The following JCAD variants were observed in gnomAD, a reference collection of about 807,000 sequenced individuals.
JCAD encodes the protein junctional cadherin 5 associated.
JCAD carries 40 observed loss-of-function variants against 98.0 expected under a neutral mutation model. The ratio of observed to expected loss-of-function variants is 0.41; its 90% CI spans 0.32 to 0.53. The LOEUF (loss-of-function observed/expected upper bound fraction) is 0.53, where lower values mean the gene tolerates loss of function less well. JCAD is among the 20% of genes least tolerant of loss of function. The pLI is 0.31. For missense variants in JCAD, 1,705 were observed against 1,738.1 expected, an observed-to-expected ratio of 0.98 and a Z score of 0.34; for synonymous variants, 691 against 682.3, an observed-to-expected ratio of 1.01 and a Z score of -0.20.
At chr10:30,087,760 G>A (rs946640148) in intron 1 of JCAD, among the ~76,000 whole-genome samples, 6 of 152,214 alleles carry the variant, frequency 3.9e-5, no homozygotes, top group Non-Finnish European at 8.8e-5. Flanking sequence ...GAAAAAGCAG[G>A]GCGGGGAAGT....
chr10:30,064,290 C>G (rs1484385149), upstream of JCAD, among the ~76,000 whole-genome samples: 2 of 152,246 alleles, frequency 1.3e-5, no homozygotes, highest in East Asian at 3.9e-4. Context: ...AGCCCCTCAC[C>G]ATGTGATGCC....
At chr10:30,096,947 G>A (rs1262723416) in intron 1 of JCAD, among the ~76,000 whole-genome samples, 1 of 152,198 alleles carries the variant, frequency 6.6e-6, no homozygotes, top group Admixed American at 6.5e-5. Context: ...AAAGGAATAA[G>A]TTACAGGATG....
At chr10:30,111,841 A>G (rs549547620) in intron 1 of JCAD, among the ~76,000 whole-genome samples, 5 of 152,172 alleles carry the variant, frequency 3.3e-5, no homozygotes, top group Admixed American at 6.5e-5. Context: ...AGAAATTGGA[A>G]CCTTCCTACA....
At chr10:30,098,016 G>A (rs558862077) in intron 1 of JCAD, among the ~76,000 whole-genome samples, 24 of 152,282 alleles carry the variant, frequency 1.6e-4, no homozygotes, top group African/African-American at 5.8e-4. Flanking sequence ...ATCAAAGGTG[G>A]TAAAATATGG....
At chr10:30,053,736 A>G (rs1223575251) in intron 1 of JCAD, among the ~76,000 whole-genome samples, 1 of 151,884 alleles carries the variant, frequency 6.6e-6, no homozygotes, top group Non-Finnish European at 1.5e-5. Context: ...GATAATAACA[A>G]AATTAGACTA....
intron 2 of JCAD, among the ~76,000 whole-genome samples, chr10:30,067,693 T>G (rs919107176): frequency 6.6e-6 from 1 of 152,218 alleles, no homozygotes; most frequent in African/African-American, 2.4e-5. Context: ...ACTTATGTCC[T>G]TCGATGTACA....
At chr10:30,057,627 G>A (rs1170589758) in intron 1 of JCAD, among the ~76,000 whole-genome samples, 1 of 152,238 alleles carries the variant, frequency 6.6e-6, no homozygotes, top group East Asian at 1.9e-4. Context: ...GGCCTGCCAA[G>A]GGCCTGACCT....
intron 1 of JCAD, among the ~76,000 whole-genome samples, chr10:30,086,828 G>A (rs1838175115): frequency 6.6e-6 from 1 of 152,216 alleles, no homozygotes; most frequent in South Asian, 2.1e-4. Context: ...AGAAGTCAGA[G>A]ATAGTTTTCT....
At chr10:30,025,882 T>C (rs1836780505) in intron 3 of JCAD, 3 of 584,324 alleles carry the variant, frequency 5.1e-6, no homozygotes, top group South Asian at 2.0e-5. Context: ...CAGAGTGAGA[T>C]ACTATCTCAA....
intron 2 of JCAD, among the ~76,000 whole-genome samples, chr10:30,034,224 A>G (rs1018774353): frequency 1.3e-5 from 2 of 149,666 alleles, no homozygotes; most frequent in East Asian, 2.0e-4. Context: ...CTCCATCTCA[A>G]TAATAATAAT....
At position 30,026,471 on chromosome 10, in the gene JCAD, A is replaced by G; in HGVS notation, c.3677T>C (p.Val1226Ala). The change falls in exon 3 of 4, where the codon GTG (valine) becomes GCG (alanine). Residue 1226 changes from valine to alanine, a missense_variant. Val to Ala is a moderately conservative substitution (Grantham distance 64). Transcript: ENST00000375377. ...LFHFVERTPS[V>A]AGSEKRLRSP... Reference sequence around the variant, plus strand: ...TCTAAGTCTCTTTTCAGAGCCTGCCACACTTGGGGTTCTTTCTACAAAATG... The same window carrying G: ...TCTAAGTCTCTTTTCAGAGCCTGCCGCACTTGGGGTTCTTTCTACAAAATG... The G allele has an allele frequency of 3.7e-6, 6 of 1,614,244 alleles. No homozygotes were observed. Among genetic ancestry groups the G allele is most frequent in the Non-Finnish European group, 5.1e-6 (6 of 1,180,046 alleles).
rs199773314 is a variant in JCAD at position 30,018,788 on chromosome 10, A to AT, written c.4046-872dup. ...TGCCATAGCAGCTCAAAGGCTTCTTATTTTTTAAAGAGAAAATGTCTAAGC... is the reference window on the plus strand; with the variant it reads ...TGCCATAGCAGCTCAAAGGCTTCTTATTTTTTTAAAGAGAAAATGTCTAAGC... On this transcript the variant is annotated intron_variant, in intron 3 of 3. Coordinates refer to ENST00000375377, the MANE Select transcript of JCAD (RefSeq NM_020848.4). Among the ~76,000 whole-genome samples, 880 of 152,232 alleles carry AT rather than the reference A, an allele frequency of 5.8e-3. 31 individuals are homozygous for AT. Among genetic ancestry groups the AT allele is most frequent in the Admixed American group, 0.052 (790 of 15,268 alleles).
upstream of JCAD, among the ~76,000 whole-genome samples, chr10:30,061,611 G>A (rs1271122481): frequency 6.6e-6 from 1 of 152,014 alleles, no homozygotes; most frequent in Non-Finnish European, 1.5e-5. Flanking sequence ...AGCTACTGCT[G>A]TTTGACTTGG....
In JCAD at chr10:30,013,741, C is replaced by G. The variant is rs1836475090; in HGVS notation, c.*4142G>C. 1 of 152,222 alleles carries G rather than the reference C, an allele frequency of 6.6e-6. No homozygotes were observed. The allele number at this position is 152,222 out of a possible 1,614,324, so 9.4% of individuals were successfully genotyped here. ...CAAAGCATGGGGATGAACGGCCAGACAATCTGGGCTTGCCTTTGGGTTTAA... is the reference window on the plus strand; with the variant it reads ...CAAAGCATGGGGATGAACGGCCAGAGAATCTGGGCTTGCCTTTGGGTTTAA... On this transcript the variant is annotated 3_prime_UTR_variant, in exon 4 of 4. Transcript: ENST00000375377.
At chr10:30,105,803 T>C (rs973460889) in intron 1 of JCAD, among the ~76,000 whole-genome samples, 3 of 152,240 alleles carry the variant, frequency 2.0e-5, no homozygotes, top group Non-Finnish European at 4.4e-5. Context: ...TCATCTGCTA[T>C]GATAAATTAG....
intron 1 of JCAD, among the ~76,000 whole-genome samples, chr10:30,102,588 C>T (rs1203721845): frequency 2.0e-5 from 3 of 152,214 alleles, no homozygotes; most frequent in Non-Finnish European, 2.9e-5. Flanking sequence ...TGTTAAACAA[C>T]ACCTTCCGCT....
At chr10:30,059,648 C>CCCGCCCACCGCCCGGGCCCG (rs1837664690), upstream of JCAD, 1 of 152,602 alleles carries the variant, frequency 6.6e-6, no homozygotes, top group African/African-American at 2.4e-5. The surrounding 1 kb of genome is among the most constrained non-coding windows in gnomAD (Gnocchi z 5.0). Flanking sequence ...CCGGGGCTGC[C>CCCGCCCACCGCCCGGGCCCG]TCCTCTGCGC....
At chr10:30,018,736 C>G (rs551087728) in intron 3 of JCAD, among the ~76,000 whole-genome samples, 1 of 152,156 alleles carries the variant, frequency 6.6e-6, no homozygotes, top group African/African-American at 2.4e-5. Flanking sequence ...AAGGCTCACA[C>G]GTGCGCCTCC....
chr10:30,025,781 C>T (rs988157375), intron 3 of JCAD, among the ~76,000 whole-genome samples: 10 of 151,392 alleles, frequency 6.6e-5, no homozygotes, highest in African/African-American at 2.4e-4. Flanking sequence ...CCCAGCTACT[C>T]GGGAGGCTGA....
Sources: gnomAD v4.1 joint callset for allele counts (sites outside exome capture counted in the v4.1 genomes callset) on GRCh38, gnomAD v4.1.1 for gene constraint, Gnocchi (gnomAD v3.1) non-coding constraint, MANE v1.5 for transcripts, NCBI Gene and HGNC (gene_info 2026-07-23, HGNC 2026-07-21) for gene names.